RERE: variants seen among roughly 807,000 people sequenced by gnomAD.
RERE encodes the protein arginine-glutamic acid dipeptide repeats.
A neutral mutation model predicts 146.1 loss-of-function variants in RERE; 40 were observed. The ratio of observed to expected loss-of-function variants is 0.27; its 90% CI spans 0.21 to 0.36. The LOEUF (loss-of-function observed/expected upper bound fraction) is 0.36. Ranked by LOEUF, RERE falls within the 10% of genes least tolerant of loss-of-function variation. The probability of loss-of-function intolerance (pLI) is 1.00; values close to 1 mark genes in which losing one functional copy is unlikely to be tolerated. For missense variants in RERE, 1,933 were observed against 2,138.7 expected, an observed-to-expected ratio of 0.90 and a Z score of 1.90; for synonymous variants, 1,003 against 866.0, an observed-to-expected ratio of 1.16 and a Z score of -2.78.
intron 1 of RERE, among the ~76,000 whole-genome samples, chr1:8,749,014 C>T (rs2124513743): frequency 6.6e-6 from 1 of 152,254 alleles, no homozygotes; most frequent in South Asian, 2.1e-4. Flanking sequence ...AGCTGTGTGT[C>T]AGGTACTGTT....
rs1407914854 is a variant in RERE at position 8,364,861 on chromosome 1, G to A, written c.1448-23C>T. Reference sequence around the variant, plus strand: ...CCACTGGGCGTGGCAGGCACATAGTGGGGGTGGGGGAGACACCATCATGCT... The same window carrying A: ...CCACTGGGCGTGGCAGGCACATAGTAGGGGTGGGGGAGACACCATCATGCT... On this transcript the variant is annotated intron_variant, in intron 13 of 22. Transcript: ENST00000400908. This position sits in a 1 kb window ranked among gnomAD's most constrained non-coding sequence, Gnocchi z 5.1. 5.8e-6 allele frequency: 9 copies of A among 1,563,586 alleles called. No homozygotes were observed. The African/African-American group carries it at 8.1e-5, about 14-fold the overall frequency.
chr1:8,650,658 G>A (rs772249769), intron 2 of RERE, among the ~76,000 whole-genome samples: 6 of 152,068 alleles, frequency 3.9e-5, no homozygotes, highest in Non-Finnish European at 8.8e-5. Context: ...CAGCACTTTA[G>A]GAGGCCGGGG....
intron 11 of RERE, among the ~76,000 whole-genome samples, chr1:8,452,829 C>T (rs912075537): frequency 6.6e-6 from 1 of 152,200 alleles, no homozygotes; most frequent in African/African-American, 2.4e-5. Flanking sequence ...TTGCTCTTCA[C>T]CTTCAAGAAT....
intron 7 of RERE, among the ~76,000 whole-genome samples, chr1:8,509,413 C>T (rs1448520385): frequency 9.4e-6 from 1 of 105,864 alleles, no homozygotes; most frequent in Non-Finnish European, 2.1e-5. Flanking sequence ...TCCATCCATC[C>T]ATCCATCCAT....
chr1:8,452,474 T>A (rs1644400157), intron 11 of RERE, among the ~76,000 whole-genome samples: 1 of 152,242 alleles, frequency 6.6e-6, no homozygotes, highest in Non-Finnish European at 1.5e-5. Context: ...GAACAAATGC[T>A]GTTTGTTTAA....
At position 8,541,184 on chromosome 1, in the gene RERE, T is replaced by C. The variant is rs770699764; in HGVS notation, c.830+30A>G. 8 of 1,214,742 alleles carry C rather than the reference T, an allele frequency of 6.6e-6. No individual in the cohort carries two copies. In the African/African-American group the frequency reaches 9.1e-5, roughly 14 times the overall value. 75.2% of individuals were successfully genotyped at this position (1,214,742 alleles called of 1,614,324 possible). ...ACAAATGAGAAAAGGAAAAGAGTTC[T>C]CAATGAATGGACACAAGTGACTCAC... On this transcript the variant is annotated intron_variant, in intron 7 of 22. Coordinates refer to ENST00000400908, the MANE Select transcript of RERE (RefSeq NM_001042681.2).
intron 6 of RERE, 62 bp from the exon 7 acceptor site, chr1:8,541,380 G>C: frequency 1.0e-6 from 1 of 990,828 alleles, no homozygotes; most frequent in South Asian, 1.4e-5. Flanking sequence ...ACCAAAACTG[G>C]AGGGGGAAGG....
At chr1:8,701,129 G>C (rs1639436602) in intron 1 of RERE, among the ~76,000 whole-genome samples, 1 of 152,276 alleles carries the variant, frequency 6.6e-6, no homozygotes, top group South Asian at 2.1e-4. Context: ...AGTTGCACTA[G>C]TTAAAATGAA....
chr1:8,643,925 A>C (rs1350070580), intron 2 of RERE, among the ~76,000 whole-genome samples: 1 of 152,192 alleles, frequency 6.6e-6, no homozygotes, highest in African/African-American at 2.4e-5. Flanking sequence ...ATACCATTAA[A>C]GTATATATTA....
intron 12 of RERE, among the ~76,000 whole-genome samples, chr1:8,405,199 A>T (rs1369595209): frequency 6.6e-6 from 1 of 152,216 alleles, no homozygotes; most frequent in Admixed American, 6.5e-5. Flanking sequence ...TCTCAGGAGG[A>T]TGCAAGGCAC....
intron 12 of RERE, among the ~76,000 whole-genome samples, chr1:8,408,195 C>G (rs945865041): frequency 6.6e-6 from 1 of 151,828 alleles, no homozygotes; most frequent in East Asian, 1.9e-4. Context: ...CTAAGTTAAC[C>G]TCCTCAGCCA....
chr1:8,630,631 C>T (rs957589560), intron 2 of RERE, among the ~76,000 whole-genome samples: 16 of 152,134 alleles, frequency 1.1e-4, no homozygotes, highest in Non-Finnish European at 1.9e-4. Flanking sequence ...CAGGTGACAG[C>T]ATCACTGGAG....
At chr1:8,493,465 C>A (rs1267400512) in intron 10 of RERE, among the ~76,000 whole-genome samples, 2 of 152,168 alleles carry the variant, frequency 1.3e-5, no homozygotes, top group Non-Finnish European at 2.9e-5. Context: ...AATGTTATAT[C>A]ATACTCAAGA....
chr1:8,663,160 A>C (rs1361178984), intron 1 of RERE, among the ~76,000 whole-genome samples: 1 of 152,160 alleles, frequency 6.6e-6, no homozygotes, highest in Non-Finnish European at 1.5e-5. Context: ...TTAACTACAA[A>C]TGAAGAAAAA....
chr1:8,435,802 GC>G (rs547444894), intron 11 of RERE, among the ~76,000 whole-genome samples: 2 of 152,204 alleles, frequency 1.3e-5, no homozygotes, highest in Non-Finnish European at 2.9e-5. Flanking sequence ...CTCTGTCAGT[GC>G]CCCTCTGGGT....
chr1:8,625,703 G>A (rs1007052365), intron 2 of RERE, among the ~76,000 whole-genome samples: 3 of 152,134 alleles, frequency 2.0e-5, no homozygotes, highest in African/African-American at 7.2e-5. Context: ...TTCCTCTATT[G>A]TCTCATTTGT....
At position 8,503,715 on chromosome 1, in the gene RERE, C is replaced by T. The variant is rs75097062; in HGVS notation, c.879+4912G>A. 9.7e-3 allele frequency among the ~76,000 whole-genome samples: 1,473 copies of T among 152,198 alleles called. 81 individuals carry two copies. Among genetic ancestry groups the T allele is most frequent in the Admixed American group, 0.084 (1,280 of 15,290 alleles). Reference sequence around the variant, plus strand: ...TAATAATAATCTCATTAAAACTACACCAAATGGAAAGAAATGCAACAATTG... The same window carrying T: ...TAATAATAATCTCATTAAAACTACATCAAATGGAAAGAAATGCAACAATTG... On this transcript the variant is annotated intron_variant, in intron 8 of 22. Transcript: ENST00000400908.
intron 4 of RERE, among the ~76,000 whole-genome samples, chr1:8,605,333 C>T (rs1387567773): frequency 6.6e-6 from 1 of 152,072 alleles, no homozygotes; most frequent in African/African-American, 2.4e-5. Flanking sequence ...GAGGTTTCAT[C>T]GTGTTATCCA....
At chr1:8,601,347 T>G (rs889443434) in intron 4 of RERE, among the ~76,000 whole-genome samples, 1 of 151,988 alleles carries the variant, frequency 6.6e-6, no homozygotes, top group African/African-American at 2.4e-5. Context: ...CAAGTACAAA[T>G]CAAACTACAT....
Sources: allele counts gnomAD v4.1 joint callset (sites outside exome capture counted in the v4.1 genomes callset), GRCh38; gene constraint gnomAD v4.1.1; non-coding constraint Gnocchi (gnomAD v3.1); transcripts MANE v1.5; gene names NCBI Gene and HGNC (gene_info 2026-07-23, HGNC 2026-07-21).